MASP1: variants seen among roughly 807,000 people sequenced by gnomAD.
MASP1 encodes the protein mannan-binding lectin serine protease 1.
Under a neutral mutation model 77.1 loss-of-function variants are expected in MASP1, and 59 were observed. The observed-to-expected ratio is 0.77, with a 90% confidence interval of 0.62 to 0.95. The LOEUF (loss-of-function observed/expected upper bound fraction) is 0.95. Among genes scored for constraint, MASP1 ranks in the 40% least tolerant of loss-of-function variants. The pLI, the probability that MASP1 is intolerant of heterozygous loss-of-function variation, is 0.00. For synonymous variants in MASP1, 362 were observed against 354.5 expected, an observed-to-expected ratio of 1.02 and a Z score of -0.24; for missense variants, 885 against 912.9, an observed-to-expected ratio of 0.97 and a Z score of 0.39.
downstream of MASP1, chr3:187,229,735 T>G (rs1283827943): frequency 1.2e-6 from 2 of 1,613,344 alleles, no homozygotes; most frequent in Admixed American, 1.7e-5. Flanking sequence ...TTCCTTAGCT[T>G]CCACCCCTTC....
intron 11 of MASP1, among the ~76,000 whole-genome samples, chr3:187,227,010 T>G (rs1239563507): frequency 6.6e-6 from 1 of 152,220 alleles, no homozygotes; most frequent in African/African-American, 2.4e-5. Flanking sequence ...GTAATTTGTA[T>G]GCATATTAAA....
chr3:187,254,517 G>A (rs1714902695), intron 5 of MASP1, among the ~76,000 whole-genome samples: 1 of 152,200 alleles, frequency 6.6e-6, no homozygotes. Flanking sequence ...TGTGGCATGA[G>A]GTTGGAAAAC....
chr3:187,246,497 A>C lies in MASP1; in HGVS notation c.1091-2876T>G, dbSNP rs1216304853. 4 of 985,330 alleles carry C rather than the reference A, an allele frequency of 4.1e-6. No homozygotes were observed. In the African/African-American group the frequency reaches 7.0e-5, roughly 17 times the overall value. 61.0% of individuals were successfully genotyped at this position (985,330 alleles called of 1,614,324 possible). A position where few individuals can be genotyped will look rare whatever the true frequency, so the allele number is the denominator to read the frequency against. On this transcript the variant is annotated intron_variant, in intron 8 of 10. Transcript: ENST00000296280. ...TTCTCCCCTCACCGCACAGCCATTT[A>C]ATCACCAAATAGATCGGGCAGTCCA...
chr3:187,254,010 A>AG (rs1162097695), intron 5 of MASP1, among the ~76,000 whole-genome samples: 1 of 151,490 alleles, frequency 6.6e-6, no homozygotes, highest in Non-Finnish European at 1.5e-5. Flanking sequence ...GTAAAATTAA[A>AG]AAAAAATCCT....
chr3:187,236,256 C>A lies in MASP1; in HGVS notation c.1615G>T (p.Val539Leu), dbSNP rs761807246. The change falls in exon 11 of 11, where the codon GTG becomes TTG. Residue 539 changes from valine to leucine, a missense_variant. By Grantham distance (32) the Val-to-Leu change is conservative. Coordinates refer to ENST00000296280, the MANE Select transcript of MASP1 (RefSeq NM_139125.4). ...ATGTTGAAGTCTGGGTGGAGCACCA[C>A]TCGGGCAGCTGAGCTGTTGACTGCC... is the stretch of plus-strand genomic sequence containing the variant. ...SGAVNSSAARVVLHPDFNIQN... is the reference protein window; with the variant it reads ...SGAVNSSAARLVLHPDFNIQN... 2 of 1,614,240 alleles carry A rather than the reference C, an allele frequency of 1.2e-6. No homozygotes were observed. The highest frequency in any genetic ancestry group is 4.5e-5 in the East Asian group (2 of 44,886).
intron 12 of MASP1, chr3:187,225,566 T>C: frequency 6.3e-7 from 1 of 1,582,572 alleles, no homozygotes; most frequent in Non-Finnish European, 8.7e-7. Context: ...GGTCACACCT[T>C]GTTCCCTGTC....
chr3:187,221,274 A>G, intron 14 of MASP1: 1 of 692,200 alleles, frequency 1.4e-6, no homozygotes, highest in South Asian at 1.5e-5. Flanking sequence ...AGACTGCCCC[A>G]TGCTACAGGT....
Position 187,235,330 on chromosome 3 carries a change from G to C in MASP1, c.*354C>G. On this transcript the variant is annotated 3_prime_UTR_variant, in exon 11 of 11. Transcript: ENST00000296280. ...TACCAACAGTAGGACCGATGGGTTT[G>C]ATAAGTGGTCAGGAGTGAATAAAGG... The C allele has an allele frequency of 7.3e-7, 1 of 1,363,024 alleles. No homozygotes were observed. Among genetic ancestry groups the C allele is most frequent in the African/African-American group, 1.5e-5 (1 of 68,864 alleles). 84.4% of individuals were successfully genotyped at this position (1,363,024 alleles called of 1,614,324 possible).
At chr3:187,221,732 C>T (rs1181854709) in intron 14 of MASP1, among the ~76,000 whole-genome samples, 1 of 152,188 alleles carries the variant, frequency 6.6e-6, no homozygotes, top group Non-Finnish European at 1.5e-5. Context: ...TCCCTCTCTA[C>T]AGTATGAGCA....
chr3:187,247,854 C>T (rs1714227980), intron 8 of MASP1, among the ~76,000 whole-genome samples: 1 of 152,228 alleles, frequency 6.6e-6, no homozygotes, highest in African/African-American at 2.4e-5. Flanking sequence ...CTGCCACTCC[C>T]CAGCCCTTTC....
intron 2 of MASP1, among the ~76,000 whole-genome samples, chr3:187,281,400 G>A (rs986329302): frequency 1.3e-5 from 2 of 152,196 alleles, no homozygotes; most frequent in African/African-American, 2.4e-5. Context: ...TGAGTTGGAA[G>A]GTTTCTTAAA....
rs1713831342 is a variant in MASP1, at chr3:187,243,552, G to A, written c.1160C>T (p.Thr387Ile). Residue 387 changes from threonine to isoleucine, a missense_variant, in exon 9 of 11, where the codon ACC becomes ATC. By Grantham distance (89) the Thr-to-Ile change is moderately conservative (BLOSUM62 -1). Transcript: ENST00000296280. The part of the protein sequence containing the change: ...LITFSTRNNL[T>I]TYKSEIKYSC... Reference sequence around the variant, plus strand: ...GTATTTGATCTCAGACTTGTATGTGGTGAGGTTGTTCCTTGTAGAGAAGGT... The same window carrying A: ...GTATTTGATCTCAGACTTGTATGTGATGAGGTTGTTCCTTGTAGAGAAGGT... 6.2e-7 allele frequency: 1 copy of A among 1,614,094 alleles called. No homozygotes were observed. Among genetic ancestry groups the A allele is most frequent in the Non-Finnish European group, 8.5e-7 (1 of 1,179,946 alleles).
chr3:187,246,562 C>T lies in MASP1; in HGVS notation c.1091-2941G>A, dbSNP rs146682364. 5.4e-3 allele frequency: 5,281 copies of T among 985,638 alleles called. 20 individuals are homozygous for T. The highest frequency in any genetic ancestry group is 6.0e-3 in the Non-Finnish European group (5,006 of 830,114). 61.1% of individuals were successfully genotyped at this position (985,638 alleles called of 1,614,324 possible). A position where few individuals can be genotyped will look rare whatever the true frequency, so the allele number is the denominator to read the frequency against. ...TCTCTGACATGTGTGTCCAGATGTTCAGACGGAAGCAGAGATTCCAGCTGC... is the reference window on the plus strand; with the variant it reads ...TCTCTGACATGTGTGTCCAGATGTTTAGACGGAAGCAGAGATTCCAGCTGC... On this transcript the variant is annotated intron_variant, in intron 8 of 10. Transcript: ENST00000296280.
chr3:187,226,862 C>T (rs1272535186), intron 11 of MASP1, among the ~76,000 whole-genome samples: 1 of 152,202 alleles, frequency 6.6e-6, no homozygotes, highest in Non-Finnish European at 1.5e-5. Context: ...GCTGCCTTCT[C>T]AGGCCTTGCT....
chr3:187,235,100 A>G lies in MASP1; in HGVS notation c.*584T>C, dbSNP rs1450840182. The G allele has an allele frequency of 1.4e-5, 18 of 1,287,126 alleles. No individual in the cohort carries two copies. Among genetic ancestry groups the G allele is most frequent in the Non-Finnish European group, 1.8e-5 (18 of 988,730 alleles). 79.7% of individuals were successfully genotyped at this position (1,287,126 alleles called of 1,614,324 possible). Reference sequence around the variant, plus strand: ...ACTGCAAGAAGCTTTTGGGAGAGAAACCCCAGGCATGAAGGTGCTCCAAGG... The same window carrying G: ...ACTGCAAGAAGCTTTTGGGAGAGAAGCCCCAGGCATGAAGGTGCTCCAAGG... On this transcript the variant is annotated 3_prime_UTR_variant, in exon 11 of 11. Coordinates refer to ENST00000296280, the MANE Select transcript of MASP1 (RefSeq NM_139125.4).
At chr3:187,269,694 C>T (rs17375194) in intron 2 of MASP1, among the ~76,000 whole-genome samples, 2 of 152,150 alleles carry the variant, frequency 1.3e-5, no homozygotes, top group Non-Finnish European at 2.9e-5. Flanking sequence ...TTCAGAATTA[C>T]TATGGAGCAG....
intron 2 of MASP1, among the ~76,000 whole-genome samples, chr3:187,266,034 G>A (rs1185322798): frequency 6.6e-6 from 1 of 152,144 alleles, no homozygotes; most frequent in Non-Finnish European, 1.5e-5. Flanking sequence ...TATTTGGACT[G>A]TCCCCTCTCA....
At chr3:187,222,973 G>T (rs547454501) in intron 14 of MASP1, among the ~76,000 whole-genome samples, 1 of 152,156 alleles carries the variant, frequency 6.6e-6, no homozygotes, top group Non-Finnish European at 1.5e-5. Flanking sequence ...GGGGTTCAAA[G>T]TCCCATTGAA....
chr3:187,260,681 C>T, intron 4 of MASP1, 60 bp downstream of exon 4: 1 of 1,609,926 alleles, frequency 6.2e-7, no homozygotes, highest in East Asian at 2.2e-5. Context: ...TGAGCCTCAT[C>T]TAATGTTATT....
Sources: allele counts gnomAD v4.1 joint callset (sites outside exome capture counted in the v4.1 genomes callset), GRCh38; gene constraint gnomAD v4.1.1; transcripts MANE v1.5; gene names NCBI Gene and HGNC (gene_info 2026-07-23, HGNC 2026-07-21).